Variants in TECPR2 observed in about 807,000 individuals in gnomAD.
The protein encoded by TECPR2 is tectonin beta-propeller repeat-containing protein 2.
TECPR2 carries 65 observed loss-of-function variants against 138.1 expected under a neutral mutation model. The observed-to-expected ratio is 0.47, with a 90% CI of 0.39 to 0.58. The LOEUF is 0.58. TECPR2 is among the 20% of genes least tolerant of loss of function. The pLI is 0.00. For missense variants in TECPR2, 1,553 were observed against 1,824.5 expected (o/e 0.85, Z 2.71); for synonymous variants, 746 against 749.8 (o/e 0.99, Z 0.08).
chr14:102,482,579 C>T (rs549179835), intron 17 of TECPR2, among the ~76,000 whole-genome samples: 110 of 152,192 alleles, frequency 7.2e-4, no homozygotes, highest in Non-Finnish European at 1.3e-3. Context: ...GCCCCTTTCT[C>T]CCGGATCCCG....
rs145450153 is a variant in TECPR2, at chr14:102,384,937, A to G, written c.219+7997A>G. 2.0e-3 allele frequency among the ~76,000 whole-genome samples: 268 copies of G among 133,510 alleles called. 3 individuals carry two copies. The highest frequency in any genetic ancestry group is 7.1e-3 in the African/African-American group (246 of 34,762). 87.6% of individuals were successfully genotyped at this position (133,510 alleles called of 152,430 possible). ...AGTGGTGCAATCTCGGCTCACTGCG[A>G]CCTCTGCCTCCTAGGTTCCAGCAAT... On this transcript the variant is annotated intron_variant, in intron 2 of 19. Transcript: ENST00000359520.
intron 17 of TECPR2, among the ~76,000 whole-genome samples, chr14:102,495,696 C>T (rs1009323756): frequency 1.3e-5 from 2 of 152,246 alleles, no homozygotes; most frequent in Non-Finnish European, 2.9e-5. Flanking sequence ...GAGCGGCCAC[C>T]GCCCCGTCCT....
intron 2 of TECPR2, among the ~76,000 whole-genome samples, chr14:102,399,956 T>C (rs1888429440): frequency 6.6e-6 from 1 of 152,148 alleles, no homozygotes; most frequent in Non-Finnish European, 1.5e-5. Flanking sequence ...GTGTTCTACA[T>C]GATTTAAGAG....
intron 17 of TECPR2, among the ~76,000 whole-genome samples, chr14:102,494,061 G>T (rs1250838602): frequency 6.6e-6 from 1 of 152,216 alleles, no homozygotes; most frequent in East Asian, 1.9e-4. Flanking sequence ...ACCTAGCCTG[G>T]TGCTTACGTC....
At chr14:102,497,526 C>G in intron 18 of TECPR2, 44 bp from the exon 19 acceptor site, 1 of 1,466,764 alleles carries the variant, frequency 6.8e-7, no homozygotes, top group South Asian at 1.5e-5. Flanking sequence ...AGCGGCCCAT[C>G]CCGTCCATGG....
At chr14:102,408,679 T>C in intron 4 of TECPR2, 60 bp downstream of exon 4, 2 of 1,495,278 alleles carry the variant, frequency 1.3e-6, no homozygotes, top group Non-Finnish European at 9.0e-7. Context: ...AAAAACTATA[T>C]TTATAACTTG....
At chr14:102,490,621 C>T (rs370898014) in intron 17 of TECPR2, among the ~76,000 whole-genome samples, 2 of 152,332 alleles carry the variant, frequency 1.3e-5, no homozygotes, top group East Asian at 1.9e-4. Context: ...AGCTCCGCCC[C>T]GGCCTGGCGT....
chr14:102,422,343 C>A (rs1889206641), intron 5 of TECPR2, among the ~76,000 whole-genome samples: 1 of 152,180 alleles, frequency 6.6e-6, no homozygotes, highest in Non-Finnish European at 1.5e-5. Flanking sequence ...CAACGTATAA[C>A]AAAACCAGTG....
chr14:102,439,147 AG>A (rs1889762627), intron 10 of TECPR2, among the ~76,000 whole-genome samples: 1 of 152,012 alleles, frequency 6.6e-6, no homozygotes. Context: ...TACAGGTGAG[AG>A]CCACTACGCC....
Position 102,450,576 on chromosome 14 carries a change from T to A in TECPR2, c.3333T>A (p.His1111Gln). 6.2e-7 allele frequency: 1 copy of A among 1,614,178 alleles called. No individual in the cohort carries two copies. The highest frequency in any genetic ancestry group is 8.5e-7 in the Non-Finnish European group (1 of 1,180,012). ...TCTTTCCAGGCACCTACTGGAATCA[T>A]GTGGTTCCCCGTGGGACAGCTTCTG... ...KGSLIGTYWN[H>Q]VVPRGTASAT... The change falls in exon 15 of 20, where the codon CAT becomes CAA. Residue 1111 changes from histidine (H) to glutamine (Q), a missense_variant. Physicochemically the swap from His to Gln is conservative, Grantham distance 24 (BLOSUM62 0). Coordinates refer to ENST00000359520, the MANE Select transcript of TECPR2 (RefSeq NM_014844.5).
chr14:102,464,123 T>C (rs1449138179), intron 16 of TECPR2, among the ~76,000 whole-genome samples: 2 of 152,190 alleles, frequency 1.3e-5, no homozygotes, highest in East Asian at 3.9e-4. Flanking sequence ...GATCTCTTTC[T>C]GGCTGAGTCC....
intron 5 of TECPR2, among the ~76,000 whole-genome samples, chr14:102,417,697 C>T (rs1889062626): frequency 6.6e-6 from 1 of 152,152 alleles, no homozygotes; most frequent in Non-Finnish European, 1.5e-5. Context: ...CTGGCTATGG[C>T]TGGAGTCCAG....
chr14:102,498,493 G>T lies in TECPR2; in HGVS notation c.*236G>T. ...TGGCGCCTCCTAGCTCAGGACAGTG[G>T]CGACTGCCCGGCTGCATGCACTCCG... On this transcript the variant is annotated 3_prime_UTR_variant, in exon 20 of 20. Coordinates refer to ENST00000359520, the MANE Select transcript of TECPR2 (RefSeq NM_014844.5). The T allele has an allele frequency of 1.7e-6, 1 of 588,840 alleles. No homozygotes were observed. Among genetic ancestry groups the T allele is most frequent in the South Asian group, 2.0e-5 (1 of 49,564 alleles). 36.5% of individuals were successfully genotyped at this position (588,840 alleles called of 1,614,324 possible). A position where few individuals can be genotyped will look rare whatever the true frequency, so the allele number is the denominator to read the frequency against.
intron 17 of TECPR2, among the ~76,000 whole-genome samples, chr14:102,483,730 A>G (rs547467310): frequency 6.8e-6 from 1 of 147,838 alleles, no homozygotes; most frequent in African/African-American, 2.5e-5. Context: ...GGCATGAGCA[A>G]CTGCACCTGG....
chr14:102,493,894 G>A (rs891118068), intron 17 of TECPR2, among the ~76,000 whole-genome samples: 2 of 152,190 alleles, frequency 1.3e-5, no homozygotes, highest in Admixed American at 6.5e-5. Context: ...CGCTGTCCAG[G>A]GTGGTGCCCA....
At chr14:102,497,548 G>A (rs778184577) in intron 18 of TECPR2, 22 bp from the exon 19 acceptor site, 5 of 1,554,846 alleles carry the variant, frequency 3.2e-6, no homozygotes, top group Non-Finnish European at 4.4e-6. Context: ...AGGGGCTCAG[G>A]AGGGACCCTG....
intron 13 of TECPR2, among the ~76,000 whole-genome samples, chr14:102,448,919 A>G (rs1436708732): frequency 2.0e-5 from 3 of 152,150 alleles, no homozygotes; most frequent in East Asian, 3.9e-4. Flanking sequence ...GATGCATATT[A>G]TGTTTCTAAG....
chr14:102,408,404 G>A (rs1888723066), intron 3 of TECPR2, 84 bp from the exon 4 acceptor site: 1 of 1,447,704 alleles, frequency 6.9e-7, no homozygotes, highest in African/African-American at 1.4e-5. Context: ...AACTAGGAGT[G>A]ATTGTATACC....
In TECPR2 at chr14:102,449,924, G is replaced by A. The variant is rs1890097873; in HGVS notation, c.3316+55G>A. ...GCTTTATAGGCAGCCTCACTTTAAA[G>A]CCAACATTTAAAGAAAAGCTTTAAG... is the stretch of plus-strand genomic sequence containing the variant. On this transcript the variant is annotated intron_variant, in intron 14 of 19. Coordinates refer to ENST00000359520, the MANE Select transcript of TECPR2 (RefSeq NM_014844.5). 5 of 1,590,048 alleles carry A rather than the reference G, an allele frequency of 3.1e-6. No individual in the cohort carries two copies. The South Asian group carries it at 4.4e-5, about 14-fold the overall frequency.
Sources: allele counts gnomAD v4.1 joint callset (sites outside exome capture counted in the v4.1 genomes callset), GRCh38; gene constraint gnomAD v4.1.1; transcripts MANE v1.5; gene names NCBI Gene and HGNC (gene_info 2026-07-23, HGNC 2026-07-21).